Variants in AGO3 observed in about 807,000 individuals in gnomAD.
AGO3 encodes the protein protein argonaute-3.
AGO3 carries 16 observed loss-of-function variants against 105.5 expected under a neutral mutation model. That is an observed-to-expected ratio of 0.15 (90% CI 0.10 to 0.23). The LOEUF is 0.23. AGO3 is among the 10% of genes least tolerant of loss of function. AGO3 has a pLI of 1.00. For missense variants in AGO3, 534 were observed against 1,088.0 expected, an observed-to-expected ratio of 0.49 and a Z score of 7.16; for synonymous variants, 340 against 367.3, an observed-to-expected ratio of 0.93 and a Z score of 0.85.
intron 3 of AGO3, among the ~76,000 whole-genome samples, chr1:35,968,964 T>C (rs1184674484): frequency 2.0e-5 from 3 of 151,980 alleles, no homozygotes. Flanking sequence ...TGATATCTCA[T>C]TGTGGTTTTG....
In AGO3 at chr1:36,065,307, A is replaced by G. The variant is rs1643078147; in HGVS notation, c.*9562A>G. 6.6e-6 allele frequency: 1 copy of G among 151,896 alleles called. No individual in the cohort carries two copies. The highest frequency in any genetic ancestry group is 1.5e-5 in the Non-Finnish European group (1 of 68,034). 9.4% of individuals were successfully genotyped at this position (151,896 alleles called of 1,614,324 possible). On this transcript the variant is annotated 3_prime_UTR_variant, in exon 19 of 19. Coordinates refer to ENST00000373191, the MANE Select transcript of AGO3 (RefSeq NM_024852.4). ...GCAGACATGTAGTTCCTGAAAACCA[A>G]CATTTTAAAAGTTGCCTCTGGGCTG... is the stretch of plus-strand genomic sequence containing the variant.
Position 36,004,459 on chromosome 1 carries a change from C to T in AGO3, c.777C>T (p.Phe259=). ...TGACTGATTCTCATCGGGTAAAATT[C>T]ACCAAAGAGATAAAAGGTGAATTAA... ...RPLTDSHRVK[F]TKEIKGLKVE... Residue 259 remains phenylalanine, a synonymous_variant, in exon 6 of 19, where the codon TTC becomes TTT. Coordinates refer to ENST00000373191, the MANE Select transcript of AGO3 (RefSeq NM_024852.4). 1 of 1,599,358 alleles carries T rather than the reference C, an allele frequency of 6.3e-7. No homozygotes were observed. Among genetic ancestry groups the T allele is most frequent in the Non-Finnish European group, 8.5e-7 (1 of 1,171,104 alleles).
intron 5 of AGO3, among the ~76,000 whole-genome samples, chr1:36,002,161 AG>A: frequency 6.6e-6 from 1 of 152,100 alleles, no homozygotes; most frequent in East Asian, 1.9e-4. Flanking sequence ...CTGGGATTAC[AG>A]GCATGCGCCA....
At chr1:35,961,233 G>A (rs1571435669) in intron 2 of AGO3, among the ~76,000 whole-genome samples, 1 of 151,962 alleles carries the variant, frequency 6.6e-6, no homozygotes, top group African/African-American at 2.4e-5. Flanking sequence ...TTACACGTGT[G>A]AGCCACTGCG....
chr1:36,019,171 T>C (rs79535775), intron 11 of AGO3, among the ~76,000 whole-genome samples: 2,319 of 152,258 alleles, frequency 0.015, 49 homozygotes, highest in African/African-American at 0.053. Context: ...TGAAAAGCTT[T>C]CTTTACCTGG....
intron 5 of AGO3, among the ~76,000 whole-genome samples, chr1:36,001,934 TAAA>T (rs1009361332): frequency 1.3e-5 from 2 of 152,106 alleles, no homozygotes; most frequent in Non-Finnish European, 2.9e-5. Context: ...ATTTGTGTAA[TAAA>T]GAAGTAAAAA....
chr1:36,010,863 GC>G (rs1264382497), intron 9 of AGO3, among the ~76,000 whole-genome samples: 1 of 143,050 alleles, frequency 7.0e-6, no homozygotes, highest in Non-Finnish European at 1.5e-5. Flanking sequence ...TCGGGATTGT[GC>G]CATTGCACTC....
chr1:36,012,734 C>G (rs1371181912), intron 9 of AGO3, among the ~76,000 whole-genome samples: 1 of 152,004 alleles, frequency 6.6e-6, no homozygotes, highest in Non-Finnish European at 1.5e-5. Flanking sequence ...ATATTTCTTT[C>G]TCCATCCAAA....
In AGO3 at chr1:36,008,649, T is replaced by C. The variant is rs749216035; in HGVS notation, c.794-41T>C. The C allele has an allele frequency of 5.7e-6, 9 of 1,574,836 alleles. No homozygotes were observed. The East Asian group carries it at 1.1e-4, about 20-fold the overall frequency. On this transcript the variant is annotated intron_variant, in intron 6 of 18. Coordinates refer to ENST00000373191, the MANE Select transcript of AGO3 (RefSeq NM_024852.4). The surrounding 1 kb of genome is among the most constrained non-coding windows in gnomAD (Gnocchi z 5.1). ...GCTTTATAAGTATAAATATTTTACATGTGACAGTTCTGTAACCTCCATTTT... is the reference window on the plus strand; with the variant it reads ...GCTTTATAAGTATAAATATTTTACACGTGACAGTTCTGTAACCTCCATTTT...
chr1:36,033,440 G>A (rs141021822), intron 12 of AGO3, among the ~76,000 whole-genome samples: 71 of 151,700 alleles, frequency 4.7e-4, no homozygotes, highest in African/African-American at 1.6e-3. Context: ...AGGAGTTTGA[G>A]ACCAGGCTGG....
At chr1:36,030,040 A>G (rs1236121764) in intron 12 of AGO3, among the ~76,000 whole-genome samples, 1 of 152,094 alleles carries the variant, frequency 6.6e-6, no homozygotes, top group Admixed American at 6.6e-5. Context: ...AAAGAAAACC[A>G]ATAGAGTGTG....
At chr1:36,054,855 C>G in intron 17 of AGO3, 91 bp from the exon 18 acceptor site, 1 of 1,274,944 alleles carries the variant, frequency 7.8e-7, no homozygotes. Context: ...GCACTTCAGC[C>G]TGGGTGACAG....
chr1:35,944,713 A>G (rs942245455), intron 1 of AGO3, among the ~76,000 whole-genome samples: 1 of 151,936 alleles, frequency 6.6e-6, no homozygotes, highest in Non-Finnish European at 1.5e-5. Context: ...CATGTTGGCC[A>G]GGCTGGTCTT....
intron 12 of AGO3, among the ~76,000 whole-genome samples, chr1:36,029,480 T>C (rs780621468): frequency 5.4e-5 from 8 of 147,774 alleles, no homozygotes; most frequent in African/African-American, 1.0e-4. Flanking sequence ...CTGCAAGCTC[T>C]GCCTCCTGGG....
chr1:35,994,588 A>ACTAT (rs60079674), intron 5 of AGO3, among the ~76,000 whole-genome samples: 35,919 of 151,750 alleles, frequency 0.24, 6,991 homozygotes, highest in East Asian at 0.69. Flanking sequence ...AAGAAATAAA[A>ACTAT]CTCTGTTTGT....
chr1:35,987,992 C>T (rs1004177634), intron 5 of AGO3, among the ~76,000 whole-genome samples: 4 of 151,864 alleles, frequency 2.6e-5, no homozygotes, highest in Non-Finnish European at 2.9e-5. Context: ...CGCTTGAACC[C>T]GGGAGGCGGA....
chr1:35,997,607 T>C (rs2148802100), intron 5 of AGO3, among the ~76,000 whole-genome samples: 1 of 152,292 alleles, frequency 6.6e-6, no homozygotes, highest in East Asian at 1.9e-4. Context: ...GTAGTTTAGA[T>C]GTATTAAAAG....
chr1:35,931,214 C>T lies in AGO3; in HGVS notation c.-213C>T, dbSNP rs1467738232. The T allele has an allele frequency of 9.7e-6, 4 of 410,290 alleles. No individual in the cohort carries two copies. The highest frequency in any genetic ancestry group is 4.1e-5 in the African/African-American group (2 of 48,690). 25.4% of individuals were successfully genotyped at this position (410,290 alleles called of 1,614,324 possible). On this transcript the variant is annotated 5_prime_UTR_variant, in exon 1 of 19. Transcript: ENST00000373191. ...CCTCTGTCCGCGCCTCACATCTCCC[C>T]TTCCTCTCGCCTAGTCCTGTGCCGT...
chr1:35,942,277 G>T (rs1646270099), intron 1 of AGO3, among the ~76,000 whole-genome samples: 1 of 152,150 alleles, frequency 6.6e-6, no homozygotes, highest in Non-Finnish European at 1.5e-5. Flanking sequence ...TTGATATATT[G>T]TTGGATTTAA....
Sources: gnomAD v4.1 joint callset for allele counts (sites outside exome capture counted in the v4.1 genomes callset) on GRCh38, gnomAD v4.1.1 for gene constraint, Gnocchi (gnomAD v3.1) non-coding constraint, MANE v1.5 for transcripts, NCBI Gene and HGNC (gene_info 2026-07-23, HGNC 2026-07-21) for gene names.